PPM1H: variants seen among roughly 807,000 people sequenced by gnomAD.
The protein encoded by PPM1H is protein phosphatase, Mg2+/Mn2+ dependent 1H.
A neutral mutation model predicts 54.9 loss-of-function variants in PPM1H; 27 were observed. The observed-to-expected ratio is 0.49, with a 90% CI of 0.36 to 0.68. The LOEUF is 0.68. Among genes scored for constraint, PPM1H ranks in the 30% least tolerant of loss-of-function variants. The pLI is 0.00. For synonymous variants in PPM1H, 305 were observed against 270.8 expected (o/e 1.13, Z -1.24); for missense variants, 596 against 667.8 (o/e 0.89, Z 1.19).
chr12:62,831,096 G>A (rs533999029), intron 2 of PPM1H, among the ~76,000 whole-genome samples: 108 of 152,038 alleles, frequency 7.1e-4, no homozygotes, highest in Non-Finnish European at 1.2e-3. Flanking sequence ...CTCATGATCC[G>A]CCTGTCTCGG....
chr12:62,651,890 T>C (rs1476709265), intron 9 of PPM1H, among the ~76,000 whole-genome samples: 1 of 152,240 alleles, frequency 6.6e-6, no homozygotes, highest in Non-Finnish European at 1.5e-5. Flanking sequence ...ATCTCTGTTC[T>C]TGAATTCTCC....
At chr12:62,681,271 T>TG (rs2136628180) in intron 8 of PPM1H, among the ~76,000 whole-genome samples, 1 of 152,344 alleles carries the variant, frequency 6.6e-6, no homozygotes, top group East Asian at 1.9e-4. Context: ...TCACATAGTC[T>TG]GGAAAGCGAA....
chr12:62,748,529 AACACACAC>A (rs3052402), intron 4 of PPM1H, among the ~76,000 whole-genome samples: 11,390 of 147,348 alleles, frequency 0.077, 453 homozygotes, highest in Admixed American at 0.13. Flanking sequence ...TTCAGTGTAG[AACACACAC>A]ACACACACAC....
At chr12:62,732,533 A>G (rs1429813440) in intron 5 of PPM1H, among the ~76,000 whole-genome samples, 1 of 152,036 alleles carries the variant, frequency 6.6e-6, no homozygotes, top group Non-Finnish European at 1.5e-5. Flanking sequence ...ACATCTGCTC[A>G]ATGCAAGTGG....
intron 4 of PPM1H, among the ~76,000 whole-genome samples, chr12:62,780,327 G>A (rs1330324618): frequency 6.6e-6 from 1 of 151,828 alleles, no homozygotes; most frequent in Non-Finnish European, 1.5e-5. Flanking sequence ...TTGGTGACAG[G>A]GTCTCACTCT....
chr12:62,776,336 T>C (rs753242555), intron 4 of PPM1H, among the ~76,000 whole-genome samples: 6 of 152,216 alleles, frequency 3.9e-5, no homozygotes, highest in Non-Finnish European at 8.8e-5. Flanking sequence ...AACCCACCCC[T>C]GACTACTAAG....
intron 2 of PPM1H, among the ~76,000 whole-genome samples, chr12:62,826,788 A>G (rs1868296087): frequency 6.6e-6 from 1 of 152,248 alleles, no homozygotes; most frequent in South Asian, 2.1e-4. Context: ...GACTTCATGC[A>G]TCTTCGGTTT....
intron 1 of PPM1H, among the ~76,000 whole-genome samples, chr12:62,843,830 A>T (rs1191078095): frequency 6.6e-6 from 1 of 152,212 alleles, no homozygotes; most frequent in African/African-American, 2.4e-5. Flanking sequence ...GTGTTTCCAG[A>T]TTAAAGACTG....
At chr12:62,925,637 G>T (rs1871949960) in intron 1 of PPM1H, among the ~76,000 whole-genome samples, 2 of 152,168 alleles carry the variant, frequency 1.3e-5, no homozygotes, top group African/African-American at 4.8e-5. Flanking sequence ...TGCTAGCCAG[G>T]TTTATACCCC....
chr12:62,858,424 T>C (rs558197693), intron 1 of PPM1H, among the ~76,000 whole-genome samples: 1 of 151,588 alleles, frequency 6.6e-6, no homozygotes, highest in African/African-American at 2.4e-5. Flanking sequence ...CCCTGCCAAG[T>C]GTAACTGCAA....
rs560861775 is a variant in PPM1H at position 62,660,919 on chromosome 12, A to G, written c.1397+6259T>C. Among the ~76,000 whole-genome samples the G allele has an allele frequency of 3.4e-4, 52 of 152,282 alleles. 1 individual carries two copies. In the South Asian group the frequency reaches 7.0e-3, roughly 21 times the overall value. On this transcript the variant is annotated intron_variant, in intron 9 of 9. Transcript: ENST00000228705. ...TCCTCATCTTGTTTCTCACCATCAG[A>G]TTTTGCAGAATGCTTCCTGGTTGTG... is the stretch of plus-strand genomic sequence containing the variant.
chr12:62,826,007 T>C (rs1006377604), intron 2 of PPM1H, among the ~76,000 whole-genome samples: 2 of 152,160 alleles, frequency 1.3e-5, no homozygotes. Context: ...AAAACAGTTA[T>C]ATTATTTTCT....
intron 1 of PPM1H, among the ~76,000 whole-genome samples, chr12:62,837,727 G>T (rs899515763): frequency 6.6e-6 from 1 of 152,236 alleles, no homozygotes; most frequent in African/African-American, 2.4e-5. Context: ...CTGGTACATA[G>T]TAAGCACTTA....
chr12:62,737,217 T>TAAAAAAAAA (rs111659461), intron 5 of PPM1H, among the ~76,000 whole-genome samples: 1 of 134,310 alleles, frequency 7.4e-6, no homozygotes. Context: ...AAGAAGCCAT[T>TAAAAAAAAA]AAAAAAAAAA....
chr12:62,920,417 G>A (rs1400375231), intron 1 of PPM1H, among the ~76,000 whole-genome samples: 2 of 151,440 alleles, frequency 1.3e-5, no homozygotes, highest in Admixed American at 6.6e-5. Context: ...GCCTTGACCT[G>A]CCTAGTTCAG....
intron 1 of PPM1H, among the ~76,000 whole-genome samples, chr12:62,900,563 AG>A (rs1325833687): frequency 6.2e-5 from 9 of 145,920 alleles, no homozygotes; most frequent in Admixed American, 3.4e-4. Flanking sequence ...TAAAGAAAGA[AG>A]GGAAGAAGAA....
At chr12:62,683,072 A>ATTATTATTG (rs1427390624) in intron 8 of PPM1H, among the ~76,000 whole-genome samples, 1 of 125,704 alleles carries the variant, frequency 8.0e-6, no homozygotes, top group Non-Finnish European at 1.7e-5. Context: ...TATTATTATT[A>ATTATTATTG]TTATTATTAT....
At chr12:62,777,219 T>C (rs980824599) in intron 4 of PPM1H, among the ~76,000 whole-genome samples, 2 of 152,178 alleles carry the variant, frequency 1.3e-5, no homozygotes, top group African/African-American at 2.4e-5. Flanking sequence ...CCAAAGAACA[T>C]GATTACAAAT....
Position 62,801,963 on chromosome 12 carries a change from G to A in PPM1H, c.609C>T (p.Ser203=), listed in dbSNP as rs1426697402. Residue 203 remains serine, a synonymous_variant, in exon 3 of 10, where the codon AGC becomes AGT. Coordinates refer to ENST00000228705, the MANE Select transcript of PPM1H (RefSeq NM_020700.2). ...GGGAGGCTGCCCGGGTCAGAGTCCGGCTGTTGGCGGGCGTGTTCTCAGGCT... is the reference window on the plus strand; with the variant it reads ...GGGAGGCTGCCCGGGTCAGAGTCCGACTGTTGGCGGGCGTGTTCTCAGGCT... ...GEEPENTPAN[S]RTLTRAASLR... The A allele has an allele frequency of 1.9e-6, 3 of 1,612,642 alleles. No individual in the cohort carries two copies. The highest frequency in any genetic ancestry group is 1.3e-5 in the African/African-American group (1 of 74,918).
Sources: gnomAD v4.1 joint callset for allele counts (sites outside exome capture counted in the v4.1 genomes callset) on GRCh38, gnomAD v4.1.1 for gene constraint, MANE v1.5 for transcripts, NCBI Gene and HGNC (gene_info 2026-07-23, HGNC 2026-07-21) for gene names.